The following PLA2G12B variants were observed in gnomAD, a reference collection of about 807,000 sequenced individuals.
PLA2G12B encodes group XIIB secretory phospholipase A2-like protein.
In PLA2G12B, 19 loss-of-function variants were observed where a neutral mutation model predicts 22.3. The ratio of observed to expected loss-of-function variants is 0.85; its 90% CI spans 0.60 to 1.25. PLA2G12B has a LOEUF of 1.25. PLA2G12B is among the 50% of genes most tolerant of loss of function. The pLI, the probability that PLA2G12B is intolerant of heterozygous loss-of-function variation, is 0.00. For synonymous variants in PLA2G12B, 81 were observed against 94.9 expected, an observed-to-expected ratio of 0.85 and a Z score of 0.85; for missense variants, 191 against 246.6, an observed-to-expected ratio of 0.77 and a Z score of 1.51.
chr10:72,938,683 G>A (rs975886391), intron 3 of PLA2G12B, among the ~76,000 whole-genome samples: 12 of 152,056 alleles, frequency 7.9e-5, no homozygotes, highest in African/African-American at 2.9e-4. Flanking sequence ...AATTAAAGAA[G>A]ACCTAAATAA....
chr10:72,948,230 T>G (rs1846473655), intron 1 of PLA2G12B, among the ~76,000 whole-genome samples: 1 of 152,216 alleles, frequency 6.6e-6, no homozygotes, highest in African/African-American at 2.4e-5. Context: ...TGCCACAGAC[T>G]TGGCTCGGTT....
intron 1 of PLA2G12B, among the ~76,000 whole-genome samples, chr10:72,943,679 A>G (rs1846396329): frequency 1.3e-5 from 2 of 152,226 alleles, no homozygotes; most frequent in South Asian, 4.1e-4. Flanking sequence ...AGGTAAAGAT[A>G]ACCTTGACCT....
intron 1 of PLA2G12B, 108 bp downstream of exon 1, chr10:72,954,367 G>T: frequency 7.4e-7 from 1 of 1,351,676 alleles, no homozygotes; most frequent in Non-Finnish European, 1.0e-6. Context: ...AAATCTGGCA[G>T]CTCTAAGTGG....
In PLA2G12B at chr10:72,934,822, G is replaced by T. The variant is rs1463861105; in HGVS notation, c.*795C>A. ...CTTGAGACCCGCAAGTTAGGGAATGGCCACTTGTCTCTCACTCCCGACAGG... is the reference window on the plus strand; with the variant it reads ...CTTGAGACCCGCAAGTTAGGGAATGTCCACTTGTCTCTCACTCCCGACAGG... On this transcript the variant is annotated 3_prime_UTR_variant, in exon 4 of 4. Transcript: ENST00000373032. 6.6e-6 allele frequency among the ~76,000 whole-genome samples: 1 copy of T among 152,126 alleles called. No individual in the cohort carries two copies. Among genetic ancestry groups the T allele is most frequent in the Admixed American group, 6.5e-5 (1 of 15,274 alleles).
rs770207604 is a variant in PLA2G12B, at chr10:72,954,623, G to A, written c.63C>T (p.Ser21=). The change falls in exon 1 of 4, where the codon AGC becomes AGT. Residue 21 remains serine (S), a synonymous_variant. Transcript: ENST00000373032. ...WLSLGGGLAQ[S]DTSPDTEESY... ...ACTCCTCCGTGTCAGGGCTCGTGTCGCTCTGAGCCAGGCCACCCCCAAGGC... is the reference window on the plus strand; with the variant it reads ...ACTCCTCCGTGTCAGGGCTCGTGTCACTCTGAGCCAGGCCACCCCCAAGGC... 5.6e-6 allele frequency: 9 copies of A among 1,614,090 alleles called. No homozygotes were observed. Among genetic ancestry groups the A allele is most frequent in the South Asian group, 5.5e-5 (5 of 91,076 alleles).
chr10:72,944,409 C>A (rs1846409420), intron 1 of PLA2G12B, among the ~76,000 whole-genome samples: 1 of 152,100 alleles, frequency 6.6e-6, no homozygotes, highest in African/African-American at 2.4e-5. Context: ...TATTCTTGGA[C>A]CTTTACTCTC....
At chr10:72,954,390 AG>A (rs1451020514) in intron 1 of PLA2G12B, 84 bp downstream of exon 1, 23 of 1,529,278 alleles carry the variant, frequency 1.5e-5, no homozygotes, top group Non-Finnish European at 2.0e-5. Context: ...AACAGGAAAA[AG>A]TGCAAGACAG....
At chr10:72,950,210 G>C (rs187058424) in intron 1 of PLA2G12B, among the ~76,000 whole-genome samples, 18 of 152,238 alleles carry the variant, frequency 1.2e-4, no homozygotes, top group Admixed American at 1.3e-4. Context: ...TGTTAGTACT[G>C]AAAGTCTCAC....
chr10:72,946,483 A>C (rs1417598033), intron 1 of PLA2G12B, among the ~76,000 whole-genome samples: 2 of 152,216 alleles, frequency 1.3e-5, no homozygotes, highest in African/African-American at 2.4e-5. Context: ...TTGCTGGGTC[A>C]TATGGTAACC....
At chr10:72,950,277 C>G (rs897901496) in intron 1 of PLA2G12B, among the ~76,000 whole-genome samples, 6 of 152,094 alleles carry the variant, frequency 3.9e-5, no homozygotes, top group Admixed American at 2.0e-4. Context: ...AGGTCAGTTG[C>G]CCAAAAACAA....
At chr10:72,936,929 G>A (rs947590178) in intron 3 of PLA2G12B, among the ~76,000 whole-genome samples, 2 of 152,176 alleles carry the variant, frequency 1.3e-5, no homozygotes, top group Non-Finnish European at 2.9e-5. Context: ...GGCCGGGCAC[G>A]GTGGCTTACG....
At chr10:72,945,725 G>A (rs1051460766) in intron 1 of PLA2G12B, among the ~76,000 whole-genome samples, 32 of 151,488 alleles carry the variant, frequency 2.1e-4, no homozygotes, top group Non-Finnish European at 3.7e-4. Context: ...TTGGCTCACC[G>A]CAATCTCTGC....
intron 1 of PLA2G12B, among the ~76,000 whole-genome samples, chr10:72,947,377 C>A (rs1846461060): frequency 6.6e-6 from 1 of 152,036 alleles, no homozygotes; most frequent in Non-Finnish European, 1.5e-5. Flanking sequence ...GTAGCTGGGA[C>A]TACAAGTGCT....
chr10:72,938,457 T>A (rs906028574), intron 3 of PLA2G12B, among the ~76,000 whole-genome samples: 1 of 152,000 alleles, frequency 6.6e-6, no homozygotes, highest in Non-Finnish European at 1.5e-5. Flanking sequence ...TGAAAAAAAA[T>A]ATTAGAACTA....
chr10:72,938,098 A>T (rs1432903902), intron 3 of PLA2G12B, among the ~76,000 whole-genome samples: 4 of 150,518 alleles, frequency 2.7e-5, no homozygotes, highest in Non-Finnish European at 5.9e-5. Context: ...TGGGTGTAAG[A>T]GTGAAACTCC....
At chr10:72,944,031 TCTTC>T (rs1314685421) in intron 1 of PLA2G12B, among the ~76,000 whole-genome samples, 5 of 151,880 alleles carry the variant, frequency 3.3e-5, no homozygotes, top group Admixed American at 1.3e-4. Context: ...TTTCTTCCTT[TCTTC>T]CTTCCTTCCC....
chr10:72,951,852 AT>A (rs1846536600), intron 1 of PLA2G12B, among the ~76,000 whole-genome samples: 1 of 152,146 alleles, frequency 6.6e-6, no homozygotes, highest in South Asian at 2.1e-4. Context: ...ACAAGTACAG[AT>A]TTTGTGTGTT....
chr10:72,936,443 G>A (rs1203338448), intron 3 of PLA2G12B, among the ~76,000 whole-genome samples: 4 of 152,178 alleles, frequency 2.6e-5, no homozygotes, highest in African/African-American at 9.7e-5. Context: ...AAGTACTGAT[G>A]CATACCAAAA....
At chr10:72,949,480 G>T (rs1589545808) in intron 1 of PLA2G12B, among the ~76,000 whole-genome samples, 1 of 151,890 alleles carries the variant, frequency 6.6e-6, no homozygotes, top group African/African-American at 2.4e-5. Context: ...TTCACAGTTT[G>T]TAAGAACCTT....
Sources: allele counts gnomAD v4.1 joint callset (sites outside exome capture counted in the v4.1 genomes callset), GRCh38; gene constraint gnomAD v4.1.1; transcripts MANE v1.5; gene names NCBI Gene and HGNC (gene_info 2026-07-23, HGNC 2026-07-21).